The following BRAF variants were observed in gnomAD, a reference collection of about 807,000 sequenced individuals.
BRAF encodes serine/threonine-protein kinase B-raf.
BRAF carries 16 observed loss-of-function variants against 104.6 expected under a neutral mutation model. The observed-to-expected ratio is 0.15, with a 90% CI of 0.10 to 0.23. The LOEUF is 0.23. BRAF is among the 10% of genes least tolerant of loss of function. BRAF has a pLI of 1.00. For synonymous variants in BRAF, 310 were observed against 341.6 expected (o/e 0.91, Z 1.02); for missense variants, 541 against 937.3 (o/e 0.58, Z 5.52).
rs1403475841 is a variant in BRAF, at chr7:140,724,747, T to A, written c.*1747A>T. Reference sequence around the variant, plus strand: ...CTAATTCCTTGATTTATTCTGGGTCTTGTTTAATTTCTTTCAAGTCCTTGG... The same window carrying A: ...CTAATTCCTTGATTTATTCTGGGTCATGTTTAATTTCTTTCAAGTCCTTGG... On this transcript the variant is annotated 3_prime_UTR_variant, in exon 20 of 20. Coordinates refer to ENST00000644969, the MANE Select transcript of BRAF (RefSeq NM_001374258.1). 9.7e-7 allele frequency: 1 copy of A among 1,033,962 alleles called. No individual in the cohort carries two copies. Among genetic ancestry groups the A allele is most frequent in the Non-Finnish European group, 1.2e-6 (1 of 859,432 alleles). The allele number at this position is 1,033,962 out of a possible 1,614,324, so 64.0% of individuals were successfully genotyped here.
chr7:140,860,955 C>T (rs1330687144), intron 1 of BRAF, among the ~76,000 whole-genome samples: 2 of 152,084 alleles, frequency 1.3e-5, no homozygotes, highest in Non-Finnish European at 2.9e-5. Flanking sequence ...CAAACTGGTA[C>T]ATCTGTATAA....
At chr7:140,728,112 T>C (rs1795713878) in intron 19 of BRAF, among the ~76,000 whole-genome samples, 1 of 152,224 alleles carries the variant, frequency 6.6e-6, no homozygotes, top group South Asian at 2.1e-4. Flanking sequence ...CTCAGCTTTG[T>C]AAGCTGATAG....
intron 17 of BRAF, among the ~76,000 whole-genome samples, chr7:140,747,195 A>C (rs1435749842): frequency 6.6e-6 from 1 of 152,186 alleles, no homozygotes; most frequent in Non-Finnish European, 1.5e-5. Flanking sequence ...AGAAAGTACT[A>C]TTTGACGTAA....
In BRAF at chr7:140,720,527, G is replaced by T. The variant is rs1795270110; in HGVS notation, c.*5967C>A. On this transcript the variant is annotated 3_prime_UTR_variant, in exon 20 of 20. Transcript: ENST00000644969. The stretch of plus-strand genomic sequence containing the variant: ...TATGGAACATACACAAATGTATTAG[G>T]AAGGAATGATTCTTAAAAAAACCGT... The T allele has an allele frequency of 1.9e-6, 2 of 1,064,854 alleles. No individual in the cohort carries two copies. The highest frequency in any genetic ancestry group is 2.3e-6 in the Non-Finnish European group (2 of 879,016). The allele number at this position is 1,064,854 out of a possible 1,614,324, so 66.0% of individuals were successfully genotyped here. A position where few individuals can be genotyped will look rare whatever the true frequency, so the allele number is the denominator to read the frequency against.
chr7:140,761,226 C>A (rs1443325953), intron 14 of BRAF, among the ~76,000 whole-genome samples: 1 of 152,060 alleles, frequency 6.6e-6, no homozygotes, highest in African/African-American at 2.4e-5. Context: ...AGAGTGGGGG[C>A]CAATATTCAA....
chr7:140,740,496 T>C (rs1796830939), intron 17 of BRAF: 1 of 152,256 alleles, frequency 6.6e-6, no homozygotes, highest in Non-Finnish European at 1.5e-5. Flanking sequence ...AAAATCTGTT[T>C]AACGAAATAA....
intron 1 of BRAF, among the ~76,000 whole-genome samples, chr7:140,920,775 GGAGA>G (rs772713888): frequency 6.6e-6 from 1 of 152,146 alleles, no homozygotes; most frequent in Non-Finnish European, 1.5e-5. Flanking sequence ...CAGTAAATAA[GGAGA>G]GAGAAAAGAA....
chr7:140,842,987 T>G (rs191501624), intron 2 of BRAF, among the ~76,000 whole-genome samples: 1 of 152,310 alleles, frequency 6.6e-6, no homozygotes, highest in East Asian at 1.9e-4. Context: ...AGTTGAAGAT[T>G]TATCTTCCTA....
At chr7:140,800,307 C>A (rs2129043511) in intron 7 of BRAF, 55 bp downstream of exon 7, 1 of 1,612,638 alleles carries the variant, frequency 6.2e-7, no homozygotes, top group East Asian at 2.2e-5. Flanking sequence ...ACCAGGAGAT[C>A]CAAAAGAAAG....
In BRAF at chr7:140,786,837, T is replaced by C. The variant is rs372873656; in HGVS notation, c.1177+711A>G. ...TCAGTGGAGCCCCACAAAGGAAATT[T>C]ATCAACAATAGCTTTCAAGATGGTT... is the stretch of plus-strand genomic sequence containing the variant. On this transcript the variant is annotated intron_variant, in intron 9 of 19. Transcript: ENST00000644969. Among the ~76,000 whole-genome samples, 118 of 152,324 alleles carry C rather than the reference T, an allele frequency of 7.7e-4. 2 individuals are homozygous for C. Among genetic ancestry groups the C allele is most frequent in the African/African-American group, 2.7e-3 (112 of 41,586 alleles).
chr7:140,773,957 G>C (rs1800085046), intron 14 of BRAF, among the ~76,000 whole-genome samples: 3 of 152,220 alleles, frequency 2.0e-5, no homozygotes, highest in South Asian at 4.1e-4. Flanking sequence ...AGTTTTAGTG[G>C]AGTTCCAGGA....
intron 1 of BRAF, among the ~76,000 whole-genome samples, chr7:140,865,418 T>C (rs10281508): frequency 0.3 from 45,649 of 152,044 alleles, 10,947 homozygotes; most frequent in African/African-American, 0.67. Flanking sequence ...AAGAAGCAGC[T>C]GCACTGCCAG....
Position 140,868,516 on chromosome 7 carries a change from G to T in BRAF, c.139-18304C>A, listed in dbSNP as rs915423587. On this transcript the variant is annotated intron_variant, in intron 1 of 19. Transcript: ENST00000644969. ...TGTATGATTCCACGTATATAAAATG[G>T]TCCAGAATAGAAAAATCCACAGAGA... 7.9e-5 allele frequency among the ~76,000 whole-genome samples: 12 copies of T among 151,984 alleles called. No individual in the cohort carries two copies. In the South Asian group the frequency reaches 2.5e-3, roughly 32 times the overall value.
intron 19 of BRAF, among the ~76,000 whole-genome samples, chr7:140,727,843 T>G (rs934517931): frequency 4.0e-5 from 6 of 151,570 alleles, no homozygotes; most frequent in African/African-American, 1.2e-4. Flanking sequence ...GGATGGTCTC[T>G]ATCTCCTGAC....
At chr7:140,763,953 C>T (rs1188669497) in intron 14 of BRAF, among the ~76,000 whole-genome samples, 1 of 152,136 alleles carries the variant, frequency 6.6e-6, no homozygotes, top group Non-Finnish European at 1.5e-5. Context: ...TTTATGAGGC[C>T]AGAATCATCC....
At chr7:140,888,568 G>A (rs1586555132) in intron 1 of BRAF, among the ~76,000 whole-genome samples, 1 of 152,254 alleles carries the variant, frequency 6.6e-6, no homozygotes, top group East Asian at 1.9e-4. Context: ...CGGGTGCAGT[G>A]GCTCACACCT....
intron 17 of BRAF, among the ~76,000 whole-genome samples, chr7:140,743,146 T>A (rs370574588): frequency 4.6e-5 from 7 of 151,364 alleles, no homozygotes; most frequent in South Asian, 2.1e-4. Flanking sequence ...TAGTTCAACC[T>A]TTGTGGAAGT....
chr7:140,848,838 G>A (rs1003663084), intron 2 of BRAF, among the ~76,000 whole-genome samples: 3 of 152,150 alleles, frequency 2.0e-5, no homozygotes, highest in Non-Finnish European at 4.4e-5. Context: ...TCTGGGATGA[G>A]CCACATGAAG....
At chr7:140,818,329 T>G (rs1805102794) in intron 3 of BRAF, among the ~76,000 whole-genome samples, 1 of 151,944 alleles carries the variant, frequency 6.6e-6, no homozygotes, top group African/African-American at 2.4e-5. Flanking sequence ...TTTTTTTTTT[T>G]TGAGATGGAG....
Sources: allele counts gnomAD v4.1 joint callset (sites outside exome capture counted in the v4.1 genomes callset), GRCh38; gene constraint gnomAD v4.1.1; transcripts MANE v1.5; gene names NCBI Gene and HGNC (gene_info 2026-07-23, HGNC 2026-07-21).